Variants in EFCAB5 observed in about 807,000 individuals in gnomAD.
EFCAB5 encodes EF-hand calcium binding domain 5, also known as EF-hand calcium-binding domain-containing protein 5.
Under a neutral mutation model 167.9 loss-of-function variants are expected in EFCAB5, and 131 were observed. That is an observed-to-expected ratio of 0.78 (90% CI 0.68 to 0.90). EFCAB5 has a LOEUF of 0.90. Among genes scored for constraint, EFCAB5 ranks in the 40% least tolerant of loss-of-function variants. EFCAB5 has a pLI of 0.00. For synonymous variants in EFCAB5, 574 were observed against 602.8 expected (o/e 0.95, Z 0.70); for missense variants, 1,663 against 1,745.2 (o/e 0.95, Z 0.84).
At chr17:30,011,306 A>G (rs1367999252) in intron 7 of EFCAB5, among the ~76,000 whole-genome samples, 7 of 152,148 alleles carry the variant, frequency 4.6e-5, no homozygotes, top group African/African-American at 1.7e-4. Context: ...TTGATTCCAT[A>G]TGAACTTTAA....
intron 4 of EFCAB5, among the ~76,000 whole-genome samples, chr17:29,982,232 C>T (rs1017504583): frequency 7.2e-5 from 11 of 152,002 alleles, no homozygotes; most frequent in Admixed American, 4.6e-4. Flanking sequence ...AGGAGATCGA[C>T]GCCATCCTGG....
At chr17:29,970,021 A>G (rs763871784) in intron 4 of EFCAB5, among the ~76,000 whole-genome samples, 5 of 152,180 alleles carry the variant, frequency 3.3e-5, no homozygotes, top group Non-Finnish European at 5.9e-5. Context: ...AGGCACTGTT[A>G]CATTTCAAAA....
At chr17:30,082,248 G>A (rs1231682937) in intron 17 of EFCAB5, among the ~76,000 whole-genome samples, 2 of 152,110 alleles carry the variant, frequency 1.3e-5, no homozygotes, top group African/African-American at 2.4e-5. Flanking sequence ...ATTGGCATTC[G>A]TTCTTGGCTT....
chr17:29,976,834 C>T (rs1287210920), intron 4 of EFCAB5, among the ~76,000 whole-genome samples: 1 of 152,128 alleles, frequency 6.6e-6, no homozygotes, highest in African/African-American at 2.4e-5. Context: ...AGGGATTCAT[C>T]TCTGTTAGGT....
intron 8 of EFCAB5, among the ~76,000 whole-genome samples, chr17:30,045,850 TA>T (rs1283747604): frequency 6.6e-6 from 1 of 151,014 alleles, no homozygotes; most frequent in Non-Finnish European, 1.5e-5. Context: ...AATAAATAAA[TA>T]AATAAATAAA....
At position 30,065,844 on chromosome 17, in the gene EFCAB5, C is replaced by T. The variant is rs889142886; in HGVS notation, c.2737+6143C>T. On this transcript the variant is annotated intron_variant, in intron 14 of 22. Coordinates refer to ENST00000394835, the MANE Select transcript of EFCAB5 (RefSeq NM_198529.4). ...AGACAAAACAGACTTTAAGTCAAAACTGTAAAAAGAGAAAAAGGTCATTAT... is the reference window on the plus strand; with the variant it reads ...AGACAAAACAGACTTTAAGTCAAAATTGTAAAAAGAGAAAAAGGTCATTAT... Among the ~76,000 whole-genome samples the T allele has an allele frequency of 4.6e-5, 7 of 152,176 alleles. No individual in the cohort carries two copies. The East Asian group carries it at 1.2e-3, about 25-fold the overall frequency.
At chr17:29,961,089 G>T (rs2067712007) in intron 3 of EFCAB5, among the ~76,000 whole-genome samples, 1 of 152,076 alleles carries the variant, frequency 6.6e-6, no homozygotes, top group Admixed American at 6.6e-5. Context: ...TCCAATTTCT[G>T]TACATTCTTA....
intron 14 of EFCAB5, among the ~76,000 whole-genome samples, chr17:30,066,748 A>G (rs1802458748): frequency 6.6e-6 from 1 of 152,134 alleles, no homozygotes; most frequent in South Asian, 2.1e-4. Flanking sequence ...TGTAAAAGAT[A>G]AACCATATTG....
intron 21 of EFCAB5, among the ~76,000 whole-genome samples, 174 bp downstream of exon 21, chr17:30,092,331 A>G (rs1192979835): frequency 6.6e-6 from 1 of 152,170 alleles, no homozygotes; most frequent in African/African-American, 2.4e-5. Context: ...TGGAATCCCA[A>G]AAGCTCTCCT....
At chr17:30,051,617 C>T (rs998065043) in intron 9 of EFCAB5, among the ~76,000 whole-genome samples, 4 of 152,118 alleles carry the variant, frequency 2.6e-5, no homozygotes, top group Non-Finnish European at 5.9e-5. Context: ...AGTGCAGTGG[C>T]ATGATCATGA....
chr17:29,964,170 T>G (rs1412651448), intron 3 of EFCAB5, among the ~76,000 whole-genome samples: 1 of 152,190 alleles, frequency 6.6e-6, no homozygotes, highest in Middle Eastern at 3.2e-3. Context: ...ATAAACTAAC[T>G]AACACAAGAT....
chr17:30,014,580 T>C (rs1393685873), intron 7 of EFCAB5, among the ~76,000 whole-genome samples: 3 of 152,228 alleles, frequency 2.0e-5, no homozygotes, highest in African/African-American at 7.2e-5. Flanking sequence ...CTTTTGATCT[T>C]TGTTGATTTA....
intron 4 of EFCAB5, among the ~76,000 whole-genome samples, chr17:29,972,108 G>A (rs961716820): frequency 6.6e-6 from 1 of 151,508 alleles, no homozygotes; most frequent in Non-Finnish European, 1.5e-5. Context: ...CGTGATCTCG[G>A]CTCACTGCAA....
intron 1 of EFCAB5, among the ~76,000 whole-genome samples, chr17:29,936,200 G>A (rs1052670589): frequency 4.6e-5 from 7 of 151,968 alleles, no homozygotes; most frequent in South Asian, 2.1e-4. Context: ...GCAAACGATC[G>A]CAAGGACAAA....
In EFCAB5 at chr17:30,092,861, A is replaced by T. The variant is rs1289939318; in HGVS notation, c.4246A>T (p.Asn1416Tyr). 1 of 1,611,216 alleles carries T rather than the reference A, an allele frequency of 6.2e-7. No individual in the cohort carries two copies. The highest frequency in any genetic ancestry group is 8.5e-7 in the Non-Finnish European group (1 of 1,178,722). ...CKFYVNKYLV[N>Y]NICAFDPTAK... ...ACAGTATGTTAACAAATATTTAGTC[A>T]ACAATATTTGTGCCTTTGATCCAAC... The change falls in exon 22 of 23, where the codon AAC becomes TAC. Residue 1416 changes from asparagine (N) to tyrosine (Y), a missense_variant. Asn to Tyr is a moderately radical substitution (Grantham distance 143). Coordinates refer to ENST00000394835, the MANE Select transcript of EFCAB5 (RefSeq NM_198529.4).
intron 8 of EFCAB5, among the ~76,000 whole-genome samples, chr17:30,047,891 G>T (rs1255737232): frequency 6.6e-6 from 1 of 152,130 alleles, no homozygotes; most frequent in Non-Finnish European, 1.5e-5. Flanking sequence ...GGAAGGCTGG[G>T]TCTCTTGGGG....
Position 29,968,869 on chromosome 17 carries a change from C to A in EFCAB5, c.269C>A (p.Ala90Glu), listed in dbSNP as rs759608090. 1.0e-5 allele frequency: 16 copies of A among 1,560,292 alleles called. No individual in the cohort carries two copies. The highest frequency in any genetic ancestry group is 1.4e-5 in the Non-Finnish European group (16 of 1,151,758). Residue 90 changes from alanine (A) to glutamate (E), a missense_variant, in exon 4 of 23, where the codon GCA (alanine) becomes GAA (glutamate). Physicochemically the swap from Ala to Glu is moderately radical, Grantham distance 107 (BLOSUM62 -1). Transcript: ENST00000394835. Reference protein sequence around the residue: ...DSKTEASGNIAIRKSAKVIFA... With the variant: ...DSKTEASGNIEIRKSAKVIFA... ...AAAACTGAAGCCTCAGGTAATATTG[C>A]AATTAGAAAATCTGCAAAAGTGATT... is the stretch of plus-strand genomic sequence containing the variant.
At chr17:29,980,718 C>T (rs552591927) in intron 4 of EFCAB5, among the ~76,000 whole-genome samples, 1 of 152,260 alleles carries the variant, frequency 6.6e-6, no homozygotes, top group African/African-American at 2.4e-5. Context: ...GCTCACATTC[C>T]AACATGACTT....
At chr17:30,034,517 G>A in intron 8 of EFCAB5, 132 bp downstream of exon 8, 1 of 1,005,696 alleles carries the variant, frequency 9.9e-7, no homozygotes, top group African/African-American at 1.6e-5. Context: ...TGGACAACAT[G>A]GTGAAACCCC....
Sources: gnomAD v4.1 joint callset for allele counts (sites outside exome capture counted in the v4.1 genomes callset) on GRCh38, gnomAD v4.1.1 for gene constraint, MANE v1.5 for transcripts, NCBI Gene and HGNC (gene_info 2026-07-23, HGNC 2026-07-21) for gene names.